Variants in CNBD1 observed in about 807,000 individuals in gnomAD.
CNBD1 encodes cyclic nucleotide binding domain containing 1.
Under a neutral mutation model 54.4 loss-of-function variants are expected in CNBD1, and 71 were observed. That is an observed-to-expected ratio of 1.30 (90% CI 1.08 to 1.59). CNBD1 has a LOEUF of 1.59. Among genes scored for constraint, CNBD1 ranks in the 40% most tolerant of loss-of-function variants. The pLI is 0.00. For synonymous variants in CNBD1, 182 were observed against 170.7 expected, an observed-to-expected ratio of 1.07 and a Z score of -0.51; for missense variants, 659 against 518.0, an observed-to-expected ratio of 1.27 and a Z score of -2.64.
rs548384348 is a variant in CNBD1, at chr8:87,175,697, A to G, written c.432-30296A>G. ...TCAGTTGTATTGCCTGGGGTTGGCC[A>G]TAGCAGTTGTGCATGCACTCTTTTA... On this transcript the variant is annotated intron_variant, in intron 4 of 10. Coordinates refer to ENST00000518476, the MANE Select transcript of CNBD1 (RefSeq NM_173538.3). 2.2e-3 allele frequency among the ~76,000 whole-genome samples: 336 copies of G among 152,278 alleles called. 2 individuals are homozygous for G. Among genetic ancestry groups the G allele is most frequent in the Non-Finnish European group, 2.0e-3 (138 of 68,020 alleles).
At chr8:87,124,457 A>G (rs1811953000) in intron 4 of CNBD1, among the ~76,000 whole-genome samples, 1 of 151,794 alleles carries the variant, frequency 6.6e-6, no homozygotes, top group Admixed American at 6.6e-5. Flanking sequence ...AATTACCACA[A>G]TAAAGTGGTA....
At chr8:86,995,709 T>A (rs983094244) in intron 4 of CNBD1, among the ~76,000 whole-genome samples, 3 of 150,866 alleles carry the variant, frequency 2.0e-5, no homozygotes, top group African/African-American at 7.3e-5. Context: ...TGTGTGTGTG[T>A]GTGAGAGAGA....
At chr8:87,341,796 G>A (rs2130919729) in intron 8 of CNBD1, among the ~76,000 whole-genome samples, 1 of 152,258 alleles carries the variant, frequency 6.6e-6, no homozygotes, top group South Asian at 2.1e-4. Context: ...CAAACTTTCT[G>A]GTGCTTTGAT....
intron 6 of CNBD1, among the ~76,000 whole-genome samples, chr8:87,238,125 G>A (rs1563519438): frequency 6.8e-6 from 1 of 146,582 alleles, no homozygotes; most frequent in Non-Finnish European, 1.5e-5. Context: ...GGAATCACCA[G>A]ATCTGCATTC....
intron 4 of CNBD1, among the ~76,000 whole-genome samples, chr8:87,110,592 A>T (rs1811642304): frequency 6.6e-6 from 1 of 152,214 alleles, no homozygotes; most frequent in Non-Finnish European, 1.5e-5. Flanking sequence ...CTTTATGCAT[A>T]TAGCAAATAT....
At chr8:87,259,956 G>A (rs11777647) in intron 6 of CNBD1, among the ~76,000 whole-genome samples, 42,825 of 151,988 alleles carry the variant, frequency 0.28, 6,491 homozygotes, top group African/African-American at 0.39. Flanking sequence ...CCAGGTGCTC[G>A]GAGAAAGGAA....
chr8:86,951,581 C>CAAAAAAAAA (rs71275901), intron 4 of CNBD1, among the ~76,000 whole-genome samples: 1,423 of 37,354 alleles, frequency 0.038, 434 homozygotes, highest in Middle Eastern at 0.077. Flanking sequence ...CTCCGTCTCA[C>CAAAAAAAAA]AAAAAAAAAA....
chr8:87,259,065 A>T (rs1328695814), intron 6 of CNBD1, among the ~76,000 whole-genome samples: 1 of 151,978 alleles, frequency 6.6e-6, no homozygotes, highest in Non-Finnish European at 1.5e-5. Context: ...ATGTAAACCT[A>T]TTTTTTCAGT....
chr8:87,321,662 T>A (rs1809535971), intron 8 of CNBD1, among the ~76,000 whole-genome samples: 1 of 152,168 alleles, frequency 6.6e-6, no homozygotes, highest in Non-Finnish European at 1.5e-5. Context: ...CTATTGATTA[T>A]TTCCTTTGCT....
At chr8:87,206,919 T>C (rs184954074) in intron 5 of CNBD1, among the ~76,000 whole-genome samples, 1 of 152,198 alleles carries the variant, frequency 6.6e-6, no homozygotes, top group Admixed American at 6.5e-5. Flanking sequence ...TAATTCTAAC[T>C]TGTTCTCTGT....
chr8:87,276,412 C>G (rs957978948), intron 6 of CNBD1, among the ~76,000 whole-genome samples: 3 of 151,726 alleles, frequency 2.0e-5, no homozygotes, highest in African/African-American at 7.3e-5. Context: ...GAATCTCCAC[C>G]TTTATGAGAA....
intron 4 of CNBD1, among the ~76,000 whole-genome samples, chr8:86,955,148 A>G (rs1240232674): frequency 6.6e-6 from 1 of 152,050 alleles, no homozygotes; most frequent in African/African-American, 2.4e-5. Flanking sequence ...CCACGTCCCT[A>G]CAAAGGACAT....
intron 4 of CNBD1, among the ~76,000 whole-genome samples, chr8:87,139,137 A>G (rs754148885): frequency 1.3e-5 from 2 of 152,174 alleles, no homozygotes; most frequent in Admixed American, 6.6e-5. Context: ...AATCCCTGCA[A>G]TTCCTTTGTT....
chr8:86,866,416 C>CT lies in CNBD1; in HGVS notation c.-77dup. The CT allele has an allele frequency of 1.0e-6, 1 of 979,878 alleles. No homozygotes were observed. Among genetic ancestry groups the CT allele is most frequent in the East Asian group, 2.6e-5 (1 of 38,982 alleles). 60.7% of individuals were successfully genotyped at this position (979,878 alleles called of 1,614,324 possible). Reference sequence around the variant, plus strand: ...TATCAGAGAGGACCTTGAAGTTCTGCTTTATGAGCCTGCAGGCAAAGAGTG... The same window carrying CT: ...TATCAGAGAGGACCTTGAAGTTCTGCTTTTATGAGCCTGCAGGCAAAGAGTG... On this transcript the variant is annotated 5_prime_UTR_variant, in exon 1 of 11. Coordinates refer to ENST00000518476, the MANE Select transcript of CNBD1 (RefSeq NM_173538.3).
intron 6 of CNBD1, among the ~76,000 whole-genome samples, chr8:87,258,408 A>T (rs1340802058): frequency 1.4e-5 from 2 of 143,712 alleles, no homozygotes; most frequent in African/African-American, 2.7e-5. Flanking sequence ...GCAAACAAAA[A>T]TTTTTCTTTT....
At chr8:87,329,049 T>G (rs1220863893) in intron 8 of CNBD1, among the ~76,000 whole-genome samples, 1 of 151,916 alleles carries the variant, frequency 6.6e-6, no homozygotes, top group Non-Finnish European at 1.5e-5. Flanking sequence ...GAGTTTTATT[T>G]TTTTTTATTT....
At chr8:87,384,220 A>G (rs1811142002), downstream of CNBD1, among the ~76,000 whole-genome samples, 1 of 152,080 alleles carries the variant, frequency 6.6e-6, no homozygotes, top group Non-Finnish European at 1.5e-5. Context: ...TTTTATCTGT[A>G]GCCATTAGAT....
chr8:87,211,018 A>C (rs1814086990), intron 5 of CNBD1, among the ~76,000 whole-genome samples: 2 of 152,154 alleles, frequency 1.3e-5, no homozygotes, highest in South Asian at 4.1e-4. Flanking sequence ...CATACCCTGC[A>C]GAGACATGGG....
intron 8 of CNBD1, among the ~76,000 whole-genome samples, chr8:87,337,279 G>A (rs760740390): frequency 1.8e-4 from 28 of 152,138 alleles, no homozygotes; most frequent in East Asian, 1.9e-4. Context: ...TGGGCTGCCC[G>A]GAGTTATCAG....
Sources: gnomAD v4.1 joint callset for allele counts (sites outside exome capture counted in the v4.1 genomes callset) on GRCh38, gnomAD v4.1.1 for gene constraint, MANE v1.5 for transcripts, NCBI Gene and HGNC (gene_info 2026-07-23, HGNC 2026-07-21) for gene names.